Variants in PLA2R1 observed in about 807,000 individuals in gnomAD.
PLA2R1 encodes the protein phospholipase A2 receptor 1, also known as secretory phospholipase A2 receptor.
In PLA2R1, 158 loss-of-function variants were observed where a neutral mutation model predicts 195.9. That is an observed-to-expected ratio of 0.81 (90% CI 0.71 to 0.92). PLA2R1 has a LOEUF of 0.92. Among genes scored for constraint, PLA2R1 ranks in the 40% least tolerant of loss-of-function variants. PLA2R1 has a pLI of 0.00. For missense variants in PLA2R1, 1,626 were observed against 1,764.6 expected (o/e 0.92, Z 1.41); for synonymous variants, 586 against 598.2 (o/e 0.98, Z 0.30).
intron 9 of PLA2R1, among the ~76,000 whole-genome samples, chr2:160,015,239 G>A (rs1310992808): frequency 6.6e-6 from 1 of 152,190 alleles, no homozygotes; most frequent in Non-Finnish European, 1.5e-5. Context: ...CCAAAAAAGT[G>A]ACTCAGAAGG....
intron 11 of PLA2R1, among the ~76,000 whole-genome samples, chr2:159,996,803 C>T (rs1353374437): frequency 6.6e-6 from 1 of 152,062 alleles, no homozygotes; most frequent in Non-Finnish European, 1.5e-5. Flanking sequence ...CTCATCTGTG[C>T]CCAGTCTACT....
At chr2:160,044,698 T>C in intron 2 of PLA2R1, 76 bp downstream of exon 2, 3 of 1,264,936 alleles carry the variant, frequency 2.4e-6, no homozygotes, top group Non-Finnish European at 2.2e-6. Context: ...TTTCACGTAA[T>C]GCTTTACAAA....
In PLA2R1 at chr2:160,016,604, C is replaced by T. The variant is rs562234262; in HGVS notation, c.1551+10G>A. The T allele has an allele frequency of 6.2e-6, 9 of 1,442,550 alleles. No homozygotes were observed. Among genetic ancestry groups the T allele is most frequent in the Middle Eastern group, 1.7e-4 (1 of 5,730 alleles). The allele number at this position is 1,442,550 out of a possible 1,614,324, so 89.4% of individuals were successfully genotyped here. ...CCCTGTACCTAAATTGCAATGTTAA[C>T]AGCACTTACCTCTTGACATCCTGAT... is the stretch of plus-strand genomic sequence containing the variant. On this transcript the variant is annotated intron_variant, in intron 9 of 29. Transcript: ENST00000283243.
chr2:160,014,940 GATAATGTATTCT>G (rs1464944380), intron 9 of PLA2R1, among the ~76,000 whole-genome samples: 1 of 152,040 alleles, frequency 6.6e-6, no homozygotes, highest in Non-Finnish European at 1.5e-5. Context: ...TGACCTTTCC[GATAATGTATTCT>G]TCTTCATTAG....
At chr2:159,927,209 T>C (rs761733161), downstream of PLA2R1, among the ~76,000 whole-genome samples, 2 of 152,214 alleles carry the variant, frequency 1.3e-5, no homozygotes, top group Non-Finnish European at 1.5e-5. Context: ...ATGTCACCAA[T>C]TGGAATCTAA....
At chr2:160,013,233 C>G in intron 10 of PLA2R1, 30 bp downstream of exon 10, 1 of 1,114,216 alleles carries the variant, frequency 9.0e-7, no homozygotes, top group Non-Finnish European at 1.4e-6. Context: ...TGAAAGCCGT[C>G]TTGTTTCTGT....
At chr2:159,947,173 G>A (rs904956315) in intron 26 of PLA2R1, among the ~76,000 whole-genome samples, 7 of 152,160 alleles carry the variant, frequency 4.6e-5, no homozygotes, top group African/African-American at 1.2e-4. Flanking sequence ...CAAAAGGAAC[G>A]TTTTCTTCAG....
intron 6 of PLA2R1, among the ~76,000 whole-genome samples, chr2:160,024,826 C>A (rs368011253): frequency 6.6e-6 from 1 of 152,148 alleles, no homozygotes; most frequent in African/African-American, 2.4e-5. Context: ...CTGAGGCACC[C>A]CACCTTCCCA....
intron 3 of PLA2R1, among the ~76,000 whole-genome samples, chr2:160,039,945 TGTA>T (rs1006608789): frequency 1.4e-5 from 2 of 142,072 alleles, no homozygotes; most frequent in Non-Finnish European, 3.0e-5. Flanking sequence ...AGAAGAATAT[TGTA>T]GTTTTTTTTT....
chr2:159,978,744 G>C (rs1460869763), intron 14 of PLA2R1, among the ~76,000 whole-genome samples: 2 of 152,104 alleles, frequency 1.3e-5, no homozygotes, highest in Admixed American at 6.6e-5. Context: ...CAGAAAAATG[G>C]ATTAGTGGGG....
chr2:159,946,504 G>T, intron 27 of PLA2R1: 4 of 1,053,360 alleles, frequency 3.8e-6, no homozygotes, highest in Non-Finnish European at 4.6e-6. Flanking sequence ...ATATGGTTTT[G>T]GTATGCAATG....
rs549140828 is a variant in PLA2R1, at chr2:159,980,148, T to C, written c.2184-234A>G. On this transcript the variant is annotated intron_variant, in intron 13 of 29. Transcript: ENST00000283243. The stretch of plus-strand genomic sequence containing the variant: ...GCAGGATTGATCAAGTCAACAAGCA[T>C]TGAACATTTTAAATGTGCAAAACCC... Among the ~76,000 whole-genome samples, 9 of 152,300 alleles carry C rather than the reference T, an allele frequency of 5.9e-5. No individual in the cohort carries two copies. The South Asian group carries it at 6.2e-4, about 11-fold the overall frequency.
intron 7 of PLA2R1, among the ~76,000 whole-genome samples, chr2:160,021,517 T>C (rs1483202234): frequency 6.6e-6 from 1 of 152,198 alleles, no homozygotes; most frequent in Non-Finnish European, 1.5e-5. Context: ...TTCTGCTAAG[T>C]GAAATAACTC....
chr2:159,955,831 GA>G lies in PLA2R1; in HGVS notation c.3023-4del. 1.3e-6 allele frequency: 2 copies of G among 1,584,736 alleles called. No homozygotes were observed. The highest frequency in any genetic ancestry group is 1.7e-6 in the Non-Finnish European group (2 of 1,158,768). ...AAAAAGATTCATAGTAATGAAAGCTGAAAAACAGGAATACATTATCTAATTT... is the reference window on the plus strand; with the variant it reads ...AAAAAGATTCATAGTAATGAAAGCTGAAAACAGGAATACATTATCTAATTT... On this transcript the variant is annotated splice_polypyrimidine_tract_variant and splice_region_variant and intron_variant, in intron 21 of 29. Transcript: ENST00000283243.
intron 1 of PLA2R1, among the ~76,000 whole-genome samples, chr2:160,052,447 G>T (rs1431619615): frequency 6.6e-6 from 1 of 152,180 alleles, no homozygotes; most frequent in African/African-American, 2.4e-5. Flanking sequence ...TCTTACCAAT[G>T]AATTTTTAAA....
chr2:160,026,240 T>C (rs1401906245), intron 6 of PLA2R1, among the ~76,000 whole-genome samples: 1 of 151,442 alleles, frequency 6.6e-6, no homozygotes, highest in African/African-American at 2.4e-5. Context: ...GAAAGCAGAG[T>C]GTTGGGGCTA....
Position 160,028,950 on chromosome 2 carries a change from A to C in PLA2R1, c.855T>G (p.Ser285Arg), listed in dbSNP as rs1411192267. 3.2e-6 allele frequency: 5 copies of C among 1,570,028 alleles called. No homozygotes were observed. The highest frequency in any genetic ancestry group is 4.4e-6 in the Non-Finnish European group (5 of 1,138,310). Reference protein sequence around the residue: ...EENFIREHMSSKTVEVWMGLN... With the variant: ...EENFIREHMSRKTVEVWMGLN... Reference sequence around the variant, plus strand: ...GGCCCATCCACACCTCCACTGTTTTACTGCTCATGTGCTCTGAAATGAAAA... The same window carrying C: ...GGCCCATCCACACCTCCACTGTTTTCCTGCTCATGTGCTCTGAAATGAAAA... The change falls in exon 5 of 30, where the codon AGT becomes AGG. Residue 285 changes from serine to arginine, a missense_variant. Coordinates refer to ENST00000283243, the MANE Select transcript of PLA2R1 (RefSeq NM_007366.5).
chr2:159,959,885 A>G (rs924076454), intron 20 of PLA2R1, among the ~76,000 whole-genome samples: 12 of 152,090 alleles, frequency 7.9e-5, no homozygotes, highest in Non-Finnish European at 4.4e-5. Flanking sequence ...ATCTTAGCCC[A>G]ACCTACCAGT....
chr2:159,924,803 C>CT, the PLA2R1 span, among the ~76,000 whole-genome samples: 1 of 151,090 alleles, frequency 6.6e-6, no homozygotes, highest in East Asian at 2.0e-4. Flanking sequence ...GGGTCGTGTT[C>CT]TTTTTTCGCT....
Sources: allele counts gnomAD v4.1 joint callset (sites outside exome capture counted in the v4.1 genomes callset), GRCh38; gene constraint gnomAD v4.1.1; transcripts MANE v1.5; gene names NCBI Gene and HGNC (gene_info 2026-07-23, HGNC 2026-07-21).